The following DDX10 variants were observed in gnomAD, a reference collection of about 807,000 sequenced individuals.
DDX10 encodes the protein DEAD-box helicase 10.
In DDX10, 74 loss-of-function variants were observed where a neutral mutation model predicts 104.3. The observed-to-expected ratio is 0.71, with a 90% CI of 0.59 to 0.86. The LOEUF (loss-of-function observed/expected upper bound fraction) is 0.86, where lower values mean the gene tolerates loss of function less well. Among genes scored for constraint, DDX10 ranks in the 40% least tolerant of loss-of-function variants. The pLI, the probability that DDX10 is intolerant of heterozygous loss-of-function variation, is 0.00. For missense variants in DDX10, 952 were observed against 1,040.0 expected, an observed-to-expected ratio of 0.92 and a Z score of 1.16; for synonymous variants, 351 against 353.4, an observed-to-expected ratio of 0.99 and a Z score of 0.08.
chr11:108,733,391 G>A (rs1273226683), intron 13 of DDX10, among the ~76,000 whole-genome samples: 1 of 152,096 alleles, frequency 6.6e-6, no homozygotes, highest in Non-Finnish European at 1.5e-5. Context: ...CTTGGACTAA[G>A]TATTTGTAAA....
intron 13 of DDX10, among the ~76,000 whole-genome samples, chr11:108,765,938 G>A (rs892712038): frequency 1.3e-5 from 2 of 152,188 alleles, no homozygotes; most frequent in Admixed American, 6.5e-5. Context: ...TTCATTTGAA[G>A]TATTGAATCA....
At chr11:108,800,783 T>C (rs1008862814) in intron 13 of DDX10, among the ~76,000 whole-genome samples, 2 of 152,236 alleles carry the variant, frequency 1.3e-5, no homozygotes, top group East Asian at 1.9e-4. Flanking sequence ...TTTATAGATA[T>C]CCATTTCCAC....
intron 13 of DDX10, among the ~76,000 whole-genome samples, chr11:108,754,057 G>T (rs1258987132): frequency 6.6e-6 from 1 of 151,924 alleles, no homozygotes; most frequent in East Asian, 1.9e-4. Context: ...ATTCATTAAA[G>T]AATTTGTTTC....
chr11:108,667,352 CAAGATG>C (rs2094211419), intron 1 of DDX10, among the ~76,000 whole-genome samples: 1 of 152,188 alleles, frequency 6.6e-6, no homozygotes, highest in African/African-American at 2.4e-5. Context: ...TGATTCTTTC[CAAGATG>C]AAGATCTAAT....
intron 13 of DDX10, among the ~76,000 whole-genome samples, chr11:108,828,860 G>A (rs537038800): frequency 4.6e-5 from 7 of 152,280 alleles, no homozygotes; most frequent in Admixed American, 2.6e-4. Flanking sequence ...CCGACGTCAG[G>A]TGATCCACCT....
intron 13 of DDX10, among the ~76,000 whole-genome samples, chr11:108,726,283 C>T (rs1431113263): frequency 6.6e-6 from 1 of 152,044 alleles, no homozygotes; most frequent in Non-Finnish European, 1.5e-5. Context: ...TTGCCGATGA[C>T]TTCATTGAGG....
intron 13 of DDX10, among the ~76,000 whole-genome samples, chr11:108,821,546 G>A (rs1862325344): frequency 6.6e-6 from 1 of 152,066 alleles, no homozygotes; most frequent in South Asian, 2.1e-4. Context: ...ACTTTAAATG[G>A]CTGTCAAACT....
At chr11:108,788,088 G>T (rs1468389961) in intron 13 of DDX10, among the ~76,000 whole-genome samples, 1 of 152,162 alleles carries the variant, frequency 6.6e-6, no homozygotes, top group Non-Finnish European at 1.5e-5. Context: ...CCTGCATCTT[G>T]ATGCGCTTCC....
chr11:108,816,047 C>CT (rs200856925), intron 13 of DDX10, among the ~76,000 whole-genome samples: 199 of 145,702 alleles, frequency 1.4e-3, no homozygotes, highest in South Asian at 9.0e-3. Context: ...CTCCTAGCAA[C>CT]TTTTTTTTTT....
intron 16 of DDX10, among the ~76,000 whole-genome samples, chr11:108,912,589 G>C (rs1204709155): frequency 8.5e-5 from 13 of 152,050 alleles, no homozygotes; most frequent in Non-Finnish European, 1.5e-4. Context: ...TCCAGCCATG[G>C]TGTCCTAACA....
At chr11:108,817,367 C>T (rs1862269699) in intron 13 of DDX10, among the ~76,000 whole-genome samples, 1 of 152,142 alleles carries the variant, frequency 6.6e-6, no homozygotes, top group South Asian at 2.1e-4. Context: ...CATTTATGTG[C>T]CTTTGCACTA....
chr11:108,810,319 G>C (rs975009715), intron 13 of DDX10, among the ~76,000 whole-genome samples: 1 of 152,114 alleles, frequency 6.6e-6, no homozygotes, highest in Non-Finnish European at 1.5e-5. Context: ...AAGATGATTA[G>C]TTTTTACAGT....
At chr11:108,764,184 A>G (rs1319813167) in intron 13 of DDX10, among the ~76,000 whole-genome samples, 2 of 152,192 alleles carry the variant, frequency 1.3e-5, no homozygotes, top group African/African-American at 4.8e-5. Flanking sequence ...GCTTGCTTGC[A>G]TGTAATCGTT....
rs559732917 is a variant in DDX10 at position 108,774,861 on chromosome 11, G to A, written c.1965+51399G>A. ...TCCTCTCCAGTGAAAATCACATACT[G>A]CTCATTGTTAAGAGATTCCTGTCTC... On this transcript the variant is annotated intron_variant, in intron 13 of 17. Coordinates refer to ENST00000322536, the MANE Select transcript of DDX10 (RefSeq NM_004398.4). Among the ~76,000 whole-genome samples, 31 of 152,284 alleles carry A rather than the reference G, an allele frequency of 2.0e-4. No individual in the cohort carries two copies. In the South Asian group the frequency reaches 6.4e-3, roughly 32 times the overall value.
intron 8 of DDX10, among the ~76,000 whole-genome samples, chr11:108,692,519 G>A (rs1185155244): frequency 6.6e-6 from 1 of 152,156 alleles, no homozygotes; most frequent in Admixed American, 6.5e-5. Context: ...GGACGGGGAT[G>A]GACGTAACTA....
chr11:108,719,350 T>G (rs1432067846), intron 11 of DDX10, among the ~76,000 whole-genome samples: 1 of 152,176 alleles, frequency 6.6e-6, no homozygotes, highest in Non-Finnish European at 1.5e-5. Context: ...ACATGCATTC[T>G]TCTAATTTTA....
chr11:108,709,480 AT>A (rs2094281106), intron 10 of DDX10, among the ~76,000 whole-genome samples: 1 of 152,228 alleles, frequency 6.6e-6, no homozygotes, highest in East Asian at 1.9e-4. Flanking sequence ...ATAGTAGCCT[AT>A]TGAGAGTGTT....
chr11:108,772,983 T>A (rs2726886), intron 13 of DDX10, among the ~76,000 whole-genome samples: 95,025 of 152,082 alleles, frequency 0.62, 32,950 homozygotes, highest in Non-Finnish European at 0.75. Context: ...TCGGTATTAT[T>A]GTGAACATAG....
chr11:108,897,345 T>C (rs1863454985), intron 16 of DDX10, among the ~76,000 whole-genome samples: 1 of 152,086 alleles, frequency 6.6e-6, no homozygotes, highest in Non-Finnish European at 1.5e-5. Flanking sequence ...CATGGATGGA[T>C]GATTAAAGGA....
Sources: allele counts gnomAD v4.1 joint callset (sites outside exome capture counted in the v4.1 genomes callset), GRCh38; gene constraint gnomAD v4.1.1; transcripts MANE v1.5; gene names NCBI Gene and HGNC (gene_info 2026-07-23, HGNC 2026-07-21).